The following BMERB1 variants were observed in gnomAD, a reference collection of about 807,000 sequenced individuals.
BMERB1 encodes the protein bMERB domain-containing protein 1.
BMERB1 carries 12 observed loss-of-function variants against 23.6 expected under a neutral mutation model. That is an observed-to-expected ratio of 0.51 (90% confidence interval 0.33 to 0.82). The LOEUF is 0.82. BMERB1 is among the 40% of genes least tolerant of loss of function. The pLI is 0.03. For synonymous variants in BMERB1, 122 were observed against 96.6 expected, an observed-to-expected ratio of 1.26 and a Z score of -1.54; for missense variants, 247 against 255.4, an observed-to-expected ratio of 0.97 and a Z score of 0.22.
At chr16:15,564,335 AT>A (rs917873977) in intron 2 of BMERB1, among the ~76,000 whole-genome samples, 3 of 151,838 alleles carry the variant, frequency 2.0e-5, no homozygotes, top group Admixed American at 6.6e-5. Context: ...GCATACATAA[AT>A]TTTTTTTTGT....
At chr16:15,580,967 G>T (rs2030999375) in intron 3 of BMERB1, among the ~76,000 whole-genome samples, 1 of 151,836 alleles carries the variant, frequency 6.6e-6, no homozygotes, top group South Asian at 2.1e-4. Flanking sequence ...CGCAGTCTCA[G>T]CTCACTGCAA....
intron 2 of BMERB1, among the ~76,000 whole-genome samples, chr16:15,541,668 C>T (rs1427246235): frequency 1.4e-5 from 2 of 144,102 alleles, no homozygotes; most frequent in Non-Finnish European, 3.0e-5. Context: ...GTGGCGCGAT[C>T]TTGGCTCACT....
chr16:15,563,909 C>T (rs369237310), intron 2 of BMERB1, among the ~76,000 whole-genome samples: 7 of 152,202 alleles, frequency 4.6e-5, no homozygotes, highest in East Asian at 1.9e-4. Context: ...GTTTGGGTCA[C>T]GGGGGTGGAT....
At chr16:15,515,231 T>C in intron 1 of BMERB1, 74 bp from the exon 2 acceptor site, 2 of 1,602,158 alleles carry the variant, frequency 1.2e-6, no homozygotes, top group African/African-American at 1.3e-5. Context: ...GGCTGTGCCC[T>C]GGAACCATGT....
chr16:15,511,602 A>G (rs564954249), intron 1 of BMERB1, among the ~76,000 whole-genome samples: 1 of 152,322 alleles, frequency 6.6e-6, no homozygotes, highest in Non-Finnish European at 1.5e-5. Context: ...TGAGATGCTG[A>G]ACTCAAAGAG....
chr16:15,434,817 G>GCGGGT, intron 1 of BMERB1, 58 bp downstream of exon 1: 1 of 1,399,524 alleles, frequency 7.1e-7, no homozygotes, highest in Non-Finnish European at 9.6e-7. Context: ...ATGCGCCTGC[G>GCGGGT]CGGGTGGTCG....
chr16:15,440,760 A>C (rs556089253), intron 1 of BMERB1, among the ~76,000 whole-genome samples: 3 of 152,336 alleles, frequency 2.0e-5, no homozygotes, highest in Admixed American at 1.3e-4. Flanking sequence ...CTGCAGGTAC[A>C]GTCTTGAGAT....
At chr16:15,540,344 G>A (rs1408783658) in intron 2 of BMERB1, among the ~76,000 whole-genome samples, 2 of 151,720 alleles carry the variant, frequency 1.3e-5, no homozygotes, top group Non-Finnish European at 2.9e-5. Context: ...TGTCTAACAT[G>A]GCAAAACCCC....
At chr16:15,530,858 C>T (rs1455423334) in intron 2 of BMERB1, among the ~76,000 whole-genome samples, 2 of 151,790 alleles carry the variant, frequency 1.3e-5, no homozygotes, top group Non-Finnish European at 2.9e-5. Context: ...TGAGGCCTTC[C>T]AAGCTATGTG....
At chr16:15,460,476 A>G (rs2051125131) in intron 1 of BMERB1, among the ~76,000 whole-genome samples, 1 of 152,168 alleles carries the variant, frequency 6.6e-6, no homozygotes, top group South Asian at 2.1e-4. Flanking sequence ...ATCTCCCAAC[A>G]AACCATTTAA....
chr16:15,446,044 T>G (rs6498552), intron 1 of BMERB1, among the ~76,000 whole-genome samples: 132,006 of 151,668 alleles, frequency 0.87, 57,767 homozygotes, highest in Middle Eastern at 0.93. Flanking sequence ...TTTTAAAAAC[T>G]TAAACTATTG....
At chr16:15,536,314 T>C (rs2150961273) in intron 2 of BMERB1, among the ~76,000 whole-genome samples, 1 of 152,114 alleles carries the variant, frequency 6.6e-6, no homozygotes, top group Middle Eastern at 3.4e-3. Flanking sequence ...CCCCCCCGCC[T>C]CTGGATGCTT....
At chr16:15,542,717 A>G (rs920371534) in intron 2 of BMERB1, among the ~76,000 whole-genome samples, 1 of 150,124 alleles carries the variant, frequency 6.7e-6, no homozygotes, top group Non-Finnish European at 1.5e-5. Flanking sequence ...CCACATAATA[A>G]CTGTTCAGTA....
intron 1 of BMERB1, among the ~76,000 whole-genome samples, chr16:15,508,828 C>CAAAAA (rs1181215065): frequency 1.1e-4 from 6 of 56,050 alleles, no homozygotes; most frequent in East Asian, 4.8e-4. Context: ...CCTGCCCCAC[C>CAAAAA]AAAAAAAAAA....
chr16:15,533,216 T>C (rs779611525), intron 2 of BMERB1: 1 of 251,194 alleles, frequency 4.0e-6, no homozygotes, highest in Non-Finnish European at 8.0e-6. Context: ...GGCATAAGTG[T>C]AGACACTGGT....
intron 2 of BMERB1, among the ~76,000 whole-genome samples, chr16:15,550,634 G>A (rs1429580652): frequency 1.3e-5 from 2 of 151,952 alleles, no homozygotes; most frequent in Non-Finnish European, 1.5e-5. Flanking sequence ...CACCGCGCCC[G>A]GCCTGAAAGC....
intron 1 of BMERB1, among the ~76,000 whole-genome samples, chr16:15,454,539 T>A (rs750419113): frequency 1.1e-4 from 16 of 152,198 alleles, no homozygotes; most frequent in Non-Finnish European, 1.6e-4. Context: ...ACGCCTGTAA[T>A]CCCAGCACTT....
intron 2 of BMERB1, among the ~76,000 whole-genome samples, chr16:15,546,867 A>G (rs1031323362): frequency 7.2e-5 from 11 of 152,186 alleles, no homozygotes; most frequent in Admixed American, 4.6e-4. Flanking sequence ...CACACCCCCA[A>G]TAAAACTTGT....
chr16:15,481,046 G>C (rs935517006), intron 1 of BMERB1, among the ~76,000 whole-genome samples: 8 of 152,196 alleles, frequency 5.3e-5, no homozygotes, highest in African/African-American at 1.9e-4. Context: ...CATCCATAGA[G>C]AAGTGGCTAA....
Sources: gnomAD v4.1 joint callset for allele counts (sites outside exome capture counted in the v4.1 genomes callset) on GRCh38, gnomAD v4.1.1 for gene constraint, MANE v1.5 for transcripts, NCBI Gene and HGNC (gene_info 2026-07-23, HGNC 2026-07-21) for gene names.